Variants in ERCC4 observed in about 807,000 individuals in gnomAD.
ERCC4 encodes the protein ERCC excision repair 4, endonuclease catalytic subunit, also known as DNA repair endonuclease XPF.
Under a neutral mutation model 76.9 loss-of-function variants are expected in ERCC4, and 65 were observed. The observed-to-expected ratio is 0.84, with a 90% confidence interval of 0.69 to 1.04. The LOEUF is 1.04. Ranked by LOEUF, ERCC4 falls within the 50% of genes least tolerant of loss-of-function variation. ERCC4 has a pLI of 0.00. For missense variants in ERCC4, 1,214 were observed against 1,128.2 expected (o/e 1.08, Z -1.09); for synonymous variants, 463 against 410.1 (o/e 1.13, Z -1.56).
chr16:13,921,381 A>G (rs1205760055), intron 1 of ERCC4, among the ~76,000 whole-genome samples: 2 of 152,146 alleles, frequency 1.3e-5, no homozygotes, highest in Non-Finnish European at 2.9e-5. Context: ...GCTTGGTCGG[A>G]CAAGTCTGAT....
Position 13,948,249 on chromosome 16 carries a change from A to G in ERCC4, c.2653A>G (p.Thr885Ala). ...AGCAGCCCTGTCACAAGACGAGCTC[A>G]CGAGTATTCTGGGGAATGCTGCAAA... is the stretch of plus-strand genomic sequence containing the variant. ...ELAALSQDELTSILGNAANAK... is the reference protein window; with the variant it reads ...ELAALSQDELASILGNAANAK... Residue 885 changes from threonine to alanine, a missense_variant, in exon 11 of 11, where the codon ACG (threonine) becomes GCG (alanine). Transcript: ENST00000311895. 6.2e-7 allele frequency: 1 copy of G among 1,613,374 alleles called. No homozygotes were observed.
In ERCC4 at chr16:13,934,303, G is replaced by A; in HGVS notation, c.1213+1G>A. The A allele has an allele frequency of 6.3e-7, 1 of 1,597,890 alleles. No individual in the cohort carries two copies. Among genetic ancestry groups the A allele is most frequent in the East Asian group, 2.2e-5 (1 of 44,704 alleles). On this transcript the variant is annotated splice_donor_variant, in intron 7 of 10. Transcript: ENST00000311895. LOFTEE classifies it high-confidence loss of function. ...GAGAGTGAAGCTCTTGGTGGTCCAG[G>A]TAGGAAAAAAGGAGATGAAAACATT...
intron 4 of ERCC4, among the ~76,000 whole-genome samples, chr16:13,930,171 CA>C (rs1224513820): frequency 6.6e-6 from 1 of 151,972 alleles, no homozygotes; most frequent in African/African-American, 2.4e-5. Context: ...TTTTAAAGGT[CA>C]AAAAACATGA....
intron 6 of ERCC4, chr16:13,932,768 G>C (rs2032198524): frequency 5.2e-6 from 1 of 193,040 alleles, no homozygotes; most frequent in Non-Finnish European, 1.1e-5. Context: ...TTTAAGGCTG[G>C]GCTCAGTGGC....
intron 1 of ERCC4, 123 bp downstream of exon 1, chr16:13,920,495 C>G (rs1203865970): frequency 1.1e-6 from 1 of 891,900 alleles, no homozygotes; most frequent in East Asian, 2.6e-5. Context: ...TGACACTACG[C>G]GATGACACAG....
Position 13,949,634 on chromosome 16 carries a change from C to A in ERCC4, c.*1287C>A. On this transcript the variant is annotated 3_prime_UTR_variant, in exon 11 of 11. Transcript: ENST00000311895. ...TATAAAAATACGAAAGAAATATATACGTTTAAAAATCCATAAAGAAAAAAA... is the reference window on the plus strand; with the variant it reads ...TATAAAAATACGAAAGAAATATATAAGTTTAAAAATCCATAAAGAAAAAAA... 1 of 232,366 alleles carries A rather than the reference C, an allele frequency of 4.3e-6. No homozygotes were observed. Among genetic ancestry groups the A allele is most frequent in the East Asian group, 6.1e-5 (1 of 16,404 alleles). 14.4% of individuals were successfully genotyped at this position (232,366 alleles called of 1,614,324 possible). A position where few individuals can be genotyped will look rare whatever the true frequency, so the allele number is the denominator to read the frequency against.
At chr16:13,942,831 G>A (rs3136196) in intron 9 of ERCC4, among the ~76,000 whole-genome samples, 1 of 152,268 alleles carries the variant, frequency 6.6e-6, no homozygotes, top group East Asian at 1.9e-4. Flanking sequence ...ACAAAGTGGG[G>A]GACACAACAT....
Position 13,947,899 on chromosome 16 carries a change from C to G in ERCC4, c.2303C>G (p.Ser768Cys), listed in dbSNP as rs12928650. 2.5e-6 allele frequency: 4 copies of G among 1,614,168 alleles called. No individual in the cohort carries two copies. The highest frequency in any genetic ancestry group is 3.4e-6 in the Non-Finnish European group (4 of 1,180,036). ...LIEFDPSKPF[S>C]LTSRGALFQE... ...GAGTTTGACCCTAGCAAGCCTTTCT[C>G]TCTCACTTCCCGAGGTGCCTTGTTT... is the stretch of plus-strand genomic sequence containing the variant. The change falls in exon 11 of 11, where the codon TCT becomes TGT. Residue 768 changes from serine (S) to cysteine (C), a missense_variant. Physicochemically the swap from Ser to Cys is moderately radical, Grantham distance 112. Coordinates refer to ENST00000311895, the MANE Select transcript of ERCC4 (RefSeq NM_005236.3).
chr16:13,935,746 A>G lies in ERCC4; in HGVS notation c.1811+3A>G. 1.3e-6 allele frequency: 2 copies of G among 1,597,578 alleles called. No homozygotes were observed. The highest frequency in any genetic ancestry group is 1.7e-6 in the Non-Finnish European group (2 of 1,164,882). On this transcript the variant is annotated splice_donor_region_variant and intron_variant, in intron 8 of 10. Coordinates refer to ENST00000311895, the MANE Select transcript of ERCC4 (RefSeq NM_005236.3). Reference sequence around the variant, plus strand: ...AGTAGGCCTGGGAAACCTCTGAGGCAAGTTATAAAGAATCACAGCTTTCAG... The same window carrying G: ...AGTAGGCCTGGGAAACCTCTGAGGCGAGTTATAAAGAATCACAGCTTTCAG...
chr16:13,926,417 G>T, intron 2 of ERCC4, 144 bp from the exon 3 acceptor site: 4 of 738,546 alleles, frequency 5.4e-6, no homozygotes, highest in Non-Finnish European at 9.8e-6. Flanking sequence ...TGAGGACAGG[G>T]ATTTATCTCT....
At position 13,952,137 on chromosome 16, in the gene ERCC4, A is replaced by G. The variant is rs545911330; in HGVS notation, c.*3790A>G. ...TGGGAGTGAGACATAACTGATTTAT[A>G]TGAATTTTAACAGAGTTGTATTTGT... is the stretch of plus-strand genomic sequence containing the variant. On this transcript the variant is annotated 3_prime_UTR_variant, in exon 11 of 11. Coordinates refer to ENST00000311895, the MANE Select transcript of ERCC4 (RefSeq NM_005236.3). The G allele has an allele frequency of 5.3e-6, 1 of 189,640 alleles. No individual in the cohort carries two copies. The highest frequency in any genetic ancestry group is 1.9e-4 in the South Asian group (1 of 5,168). The allele number at this position is 189,640 out of a possible 1,614,324, so 11.7% of individuals were successfully genotyped here.
At chr16:13,930,276 G>A (rs1282340733) in intron 4 of ERCC4, among the ~76,000 whole-genome samples, 1 of 151,966 alleles carries the variant, frequency 6.6e-6, no homozygotes, top group Non-Finnish European at 1.5e-5. Context: ...TGGATCCCAT[G>A]TCTTTATCCA....
chr16:13,920,717 G>A (rs778329849), intron 1 of ERCC4, among the ~76,000 whole-genome samples: 9 of 151,968 alleles, frequency 5.9e-5, no homozygotes, highest in Non-Finnish European at 1.0e-4. Flanking sequence ...CGGGGACTCT[G>A]AGAGGGAAGG....
At chr16:13,936,898 C>CTT (rs34695139) in intron 8 of ERCC4, among the ~76,000 whole-genome samples, 35 of 143,230 alleles carry the variant, frequency 2.4e-4, no homozygotes, top group African/African-American at 8.5e-4. Context: ...AAAAGCAGGC[C>CTT]TTTTTTTTTT....
rs1318270871 is a variant in ERCC4 at position 13,920,230 on chromosome 16, T to C, written c.65T>C (p.Leu22Pro). The change falls in exon 1 of 11, where the codon CTG becomes CCG. Residue 22 changes from leucine (L) to proline (P), a missense_variant. Leu to Pro is a moderately conservative substitution (Grantham distance 98, BLOSUM62 -3). Transcript: ENST00000311895. Reference sequence around the variant, plus strand: ...CCGCTGCTGGAGTACGAGCGACAGCTGGTGCTGGAACTGCTCGACACTGAC... The same window carrying C: ...CCGCTGCTGGAGTACGAGCGACAGCCGGTGCTGGAACTGCTCGACACTGAC... Reference protein sequence around the residue: ...MAPLLEYERQLVLELLDTDGL... With the variant: ...MAPLLEYERQPVLELLDTDGL... 1.2e-6 allele frequency: 2 copies of C among 1,607,886 alleles called. No homozygotes were observed. The highest frequency in any genetic ancestry group is 8.5e-7 in the Non-Finnish European group (1 of 1,179,952).
At chr16:13,936,185 A>T (rs1214299423) in intron 8 of ERCC4, among the ~76,000 whole-genome samples, 10 of 152,232 alleles carry the variant, frequency 6.6e-5, no homozygotes, top group Non-Finnish European at 1.2e-4. Context: ...GTGTTGGGGG[A>T]ATTACTGTAC....
At chr16:13,932,372 G>A (rs530560814) in intron 6 of ERCC4, 87 bp downstream of exon 6, 16 of 1,264,938 alleles carry the variant, frequency 1.3e-5, no homozygotes, top group African/African-American at 3.0e-5. Context: ...GTCTTCTTTG[G>A]CCATGTGAAA....
chr16:13,935,185 C>A lies in ERCC4; in HGVS notation c.1253C>A (p.Ser418Tyr). The change falls in exon 8 of 11, where the codon TCC (serine) becomes TAC (tyrosine). Residue 418 changes from serine (S) to tyrosine (Y), a missense_variant. By Grantham distance (144) the Ser-to-Tyr change is moderately radical. Transcript: ENST00000311895. Reference sequence around the variant, plus strand: ...TGTGCAAGTGATGACCGAACATGTTCCCAGCTGAGAGACTATATCACTCTT... The same window carrying A: ...TGTGCAAGTGATGACCGAACATGTTACCAGCTGAGAGACTATATCACTCTT... Reference protein sequence around the residue: ...LICASDDRTCSQLRDYITLGA... With the variant: ...LICASDDRTCYQLRDYITLGA... 1 of 1,614,046 alleles carries A rather than the reference C, an allele frequency of 6.2e-7. No homozygotes were observed. The highest frequency in any genetic ancestry group is 8.5e-7 in the Non-Finnish European group (1 of 1,179,962).
Position 13,922,147 on chromosome 16 carries a change from T to G in ERCC4, c.324T>G (p.Phe108Leu). 6.2e-7 allele frequency: 1 copy of G among 1,613,410 alleles called. No homozygotes were observed. Among genetic ancestry groups the G allele is most frequent in the Non-Finnish European group, 8.5e-7 (1 of 1,179,334 alleles). The change falls in exon 2 of 11, where the codon TTT (phenylalanine) becomes TTG (leucine). Residue 108 changes from phenylalanine to leucine, a missense_variant. Phe to Leu is a conservative substitution (Grantham distance 22). Coordinates refer to ENST00000311895, the MANE Select transcript of ERCC4 (RefSeq NM_005236.3). ...TTTACACACAAGGTGGTGTTATATT[T>G]GCGACAAGTAGGATACTTGTGGTTG... ...YEVYTQGGVI[F>L]ATSRILVVDF...
Sources: gnomAD v4.1 joint callset for allele counts (sites outside exome capture counted in the v4.1 genomes callset) on GRCh38, gnomAD v4.1.1 for gene constraint, MANE v1.5 for transcripts, NCBI Gene and HGNC (gene_info 2026-07-23, HGNC 2026-07-21) for gene names.